Variants in SLC1A2 observed in about 807,000 individuals in gnomAD.
SLC1A2 encodes the protein solute carrier family 1 member 2.
Under a neutral mutation model 48.8 loss-of-function variants are expected in SLC1A2, and 15 were observed. That is an observed-to-expected ratio of 0.31 (90% CI 0.21 to 0.47). The LOEUF (loss-of-function observed/expected upper bound fraction) is 0.47. Ranked by LOEUF, SLC1A2 falls within the 20% of genes least tolerant of loss-of-function variation. The pLI, the probability that SLC1A2 is intolerant of heterozygous loss-of-function variation, is 0.99. For synonymous variants in SLC1A2, 279 were observed against 272.6 expected, an observed-to-expected ratio of 1.02 and a Z score of -0.23; for missense variants, 502 against 730.5, an observed-to-expected ratio of 0.69 and a Z score of 3.61.
intron 4 of SLC1A2, among the ~76,000 whole-genome samples, chr11:35,310,974 T>C (rs1468635716): frequency 6.6e-6 from 1 of 152,332 alleles, no homozygotes; most frequent in Non-Finnish European, 1.5e-5. Flanking sequence ...CAAAACTCCT[T>C]GTCCTGACAA....
At position 35,254,544 on chromosome 11, in the gene SLC1A2, C is replaced by T. The variant is rs1305871138; in HGVS notation, c.*6350G>A. 6.8e-6 allele frequency: 2 copies of T among 294,184 alleles called. No individual in the cohort carries two copies. The highest frequency in any genetic ancestry group is 1.3e-5 in the Non-Finnish European group (2 of 150,746). 18.2% of individuals were successfully genotyped at this position (294,184 alleles called of 1,614,324 possible). ...TTTGCCCCCTAGCAAAGGCAACAGG[C>T]TGTTTCCAGGCAGGCAAAATGGTTG... On this transcript the variant is annotated 3_prime_UTR_variant, in exon 11 of 11. Transcript: ENST00000278379.
chr11:35,314,320 C>T (rs1851797438), intron 3 of SLC1A2, among the ~76,000 whole-genome samples: 1 of 152,170 alleles, frequency 6.6e-6, no homozygotes, highest in Non-Finnish European at 1.5e-5. Context: ...ATGCCAATCT[C>T]CCTCAATTCC....
At chr11:35,278,301 G>A (rs1456151121) in intron 9 of SLC1A2, among the ~76,000 whole-genome samples, 4 of 110,238 alleles carry the variant, frequency 3.6e-5, no homozygotes, top group Non-Finnish European at 7.1e-5. Context: ...TTTAGATGGA[G>A]TTTCACTCTT....
At chr11:35,418,683 C>T in intron 1 of SLC1A2, 1 of 492,758 alleles carries the variant, frequency 2.0e-6, no homozygotes, top group South Asian at 2.8e-5. Flanking sequence ...AGGATTTCTT[C>T]CTCACACTCT....
intron 1 of SLC1A2, among the ~76,000 whole-genome samples, chr11:35,329,008 C>T (rs896208127): frequency 1.3e-5 from 2 of 152,184 alleles, no homozygotes; most frequent in Non-Finnish European, 2.9e-5. Context: ...CCTAGACATC[C>T]TTCAGTGGGC....
At chr11:35,359,762 T>G (rs920085246) in intron 1 of SLC1A2, among the ~76,000 whole-genome samples, 1 of 152,334 alleles carries the variant, frequency 6.6e-6, no homozygotes, top group African/African-American at 2.4e-5. Flanking sequence ...AGAAACCAAT[T>G]GTTTTTCCTG....
intron 5 of SLC1A2, 133 bp downstream of exon 5, chr11:35,305,941 C>A: frequency 1.4e-6 from 1 of 722,864 alleles, no homozygotes; most frequent in Non-Finnish European, 2.2e-6. Flanking sequence ...CCCAGTGACC[C>A]TCAAATTGCT....
rs187099896 is a variant in SLC1A2, at chr11:35,317,052, T to G, written c.157+325A>C. Reference sequence around the variant, plus strand: ...CATGGACCAATGCTTTGGAACCACCTAGGTTTGCTAATATGTAGATTGCAG... The same window carrying G: ...CATGGACCAATGCTTTGGAACCACCGAGGTTTGCTAATATGTAGATTGCAG... On this transcript the variant is annotated intron_variant, in intron 2 of 10. Transcript: ENST00000278379. The G allele has an allele frequency of 2.6e-3, 685 of 259,992 alleles. 1 individual carries two copies. The highest frequency in any genetic ancestry group is 3.1e-3 in the Non-Finnish European group (420 of 133,770). The allele number at this position is 259,992 out of a possible 1,614,324, so 16.1% of individuals were successfully genotyped here. A position where few individuals can be genotyped will look rare whatever the true frequency, so the allele number is the denominator to read the frequency against.
intron 1 of SLC1A2, among the ~76,000 whole-genome samples, chr11:35,367,854 A>G (rs1853905446): frequency 6.6e-6 from 1 of 152,234 alleles, no homozygotes; most frequent in African/African-American, 2.4e-5. Flanking sequence ...AAAATTTTAG[A>G]TCACTACCAT....
At chr11:35,320,720 G>A (rs1852030152) in intron 1 of SLC1A2, among the ~76,000 whole-genome samples, 1 of 152,234 alleles carries the variant, frequency 6.6e-6, no homozygotes, top group African/African-American at 2.4e-5. Context: ...CTGGCAGCAT[G>A]CCACTTCAGT....
At chr11:35,380,819 T>G (rs73445032) in intron 1 of SLC1A2, among the ~76,000 whole-genome samples, 5,300 of 152,232 alleles carry the variant, frequency 0.035, 315 homozygotes, top group African/African-American at 0.12. Flanking sequence ...TTAGAATCTG[T>G]AGGGAGAAGC....
intron 1 of SLC1A2, among the ~76,000 whole-genome samples, chr11:35,354,875 A>G (rs1462287017): frequency 6.6e-6 from 1 of 152,194 alleles, no homozygotes; most frequent in Non-Finnish European, 1.5e-5. Context: ...CAACAGAAAC[A>G]TGACACATCT....
At chr11:35,313,042 C>T (rs867022049) in intron 3 of SLC1A2, among the ~76,000 whole-genome samples, 3 of 152,182 alleles carry the variant, frequency 2.0e-5, no homozygotes, top group African/African-American at 7.2e-5. Flanking sequence ...AAGTTGAAGA[C>T]ATCCCATTTT....
At chr11:35,405,465 T>C (rs919491038) in intron 1 of SLC1A2, among the ~76,000 whole-genome samples, 18 of 152,070 alleles carry the variant, frequency 1.2e-4, no homozygotes, top group African/African-American at 4.1e-4. Flanking sequence ...CTGCTTTGAC[T>C]TAAGAAATTC....
At chr11:35,352,921 T>A (rs940974009) in intron 1 of SLC1A2, among the ~76,000 whole-genome samples, 4 of 152,142 alleles carry the variant, frequency 2.6e-5, no homozygotes, top group African/African-American at 9.7e-5. Flanking sequence ...AGATGGCCAA[T>A]GAAAACTGTC....
chr11:35,255,274 T>G lies in SLC1A2; in HGVS notation c.*5620A>C, dbSNP rs1950298467. 6.1e-6 allele frequency: 1 copy of G among 164,064 alleles called. No individual in the cohort carries two copies. Among genetic ancestry groups the G allele is most frequent in the African/African-American group, 2.4e-5 (1 of 41,576 alleles). 10.2% of individuals were successfully genotyped at this position (164,064 alleles called of 1,614,324 possible). On this transcript the variant is annotated 3_prime_UTR_variant, in exon 11 of 11. Coordinates refer to ENST00000278379, the MANE Select transcript of SLC1A2 (RefSeq NM_004171.4). ...CAAGAGGTTGTTTAAAGATCATGGC[T>G]GGTGACATGGACCTTGTAGACCATG...
intron 3 of SLC1A2, 103 bp downstream of exon 3, chr11:35,314,920 T>A: frequency 1.3e-6 from 1 of 778,146 alleles, no homozygotes; most frequent in Non-Finnish European, 2.2e-6. Flanking sequence ...TGAAATGACA[T>A]AGACGATCAC....
At chr11:35,355,167 T>C (rs115811130) in intron 1 of SLC1A2, among the ~76,000 whole-genome samples, 2,083 of 152,300 alleles carry the variant, frequency 0.014, 34 homozygotes, top group African/African-American at 0.046. Flanking sequence ...GCAGGCCCCT[T>C]TGGCCAATGT....
At chr11:35,306,032 C>T in intron 5 of SLC1A2, 42 bp downstream of exon 5, 1 of 1,591,640 alleles carries the variant, frequency 6.3e-7, no homozygotes, top group Non-Finnish European at 8.6e-7. Flanking sequence ...ATAGCCCAGC[C>T]ATTGCCAGGG....
Sources: allele counts gnomAD v4.1 joint callset (sites outside exome capture counted in the v4.1 genomes callset), GRCh38; gene constraint gnomAD v4.1.1; transcripts MANE v1.5; gene names NCBI Gene and HGNC (gene_info 2026-07-23, HGNC 2026-07-21).